The following MECR variants were observed in gnomAD, a reference collection of about 807,000 sequenced individuals.
MECR encodes mitochondrial trans-2-enoyl-CoA reductase, also known as enoyl-[acyl-carrier-protein] reductase, mitochondrial.
A neutral mutation model predicts 49.1 loss-of-function variants in MECR; 37 were observed. That is an observed-to-expected ratio of 0.75 (90% CI 0.58 to 0.99). MECR has a LOEUF of 0.99. MECR is among the 50% of genes least tolerant of loss of function. The pLI is 0.00. For synonymous variants in MECR, 198 were observed against 191.1 expected, an observed-to-expected ratio of 1.04 and a Z score of -0.30; for missense variants, 470 against 479.6, an observed-to-expected ratio of 0.98 and a Z score of 0.19.
chr1:29,213,382 G>A lies in MECR; in HGVS notation c.406+2623C>T, dbSNP rs143146777. ...CTGATCTCAGAGAAGCAAAGAGCTT[G>A]TAGTAGACTCCTATTACTGTTTTTT... On this transcript the variant is annotated intron_variant, in intron 3 of 9. Coordinates refer to ENST00000263702, the MANE Select transcript of MECR (RefSeq NM_016011.5). 3.1e-3 allele frequency among the ~76,000 whole-genome samples: 470 copies of A among 151,974 alleles called. 2 individuals are homozygous for A. Among genetic ancestry groups the A allele is most frequent in the Middle Eastern group, 0.017 (5 of 292 alleles).
In MECR at chr1:29,214,064, T is replaced by TC. The variant is rs200441223; in HGVS notation, c.406+1940_406+1941insG. On this transcript the variant is annotated intron_variant, in intron 3 of 9. Transcript: ENST00000263702. Reference sequence around the variant, plus strand: ...CCCAGTTCCACAAATCAACTTTCTTTTTTTTTTTTTTTTTTGAGATGGAGT... The same window carrying TC: ...CCCAGTTCCACAAATCAACTTTCTTTCTTTTTTTTTTTTTTTGAGATGGAGT... Among the ~76,000 whole-genome samples the TC allele has an allele frequency of 1.5e-3, 211 of 138,248 alleles. 2 individuals are homozygous for TC. Among genetic ancestry groups the TC allele is most frequent in the South Asian group, 1.8e-3 (8 of 4,494 alleles). 90.7% of individuals were successfully genotyped at this position (138,248 alleles called of 152,430 possible). A position where few individuals can be genotyped will look rare whatever the true frequency, so the allele number is the denominator to read the frequency against.
downstream of MECR, among the ~76,000 whole-genome samples, chr1:29,191,083 T>A (rs1673116273): frequency 6.6e-6 from 1 of 152,186 alleles, no homozygotes; most frequent in Non-Finnish European, 1.5e-5. Context: ...AATCATCCTT[T>A]GAAGACCAGC....
At chr1:29,225,364 A>C (rs962068851) in intron 1 of MECR, among the ~76,000 whole-genome samples, 3 of 151,944 alleles carry the variant, frequency 2.0e-5, no homozygotes, top group African/African-American at 7.3e-5. Context: ...TACACTGCTC[A>C]CCGGATCTCT....
Position 29,193,985 on chromosome 1 carries a change from C to G in MECR, c.*37G>C. 6.2e-7 allele frequency: 1 copy of G among 1,612,702 alleles called. No individual in the cohort carries two copies. The highest frequency in any genetic ancestry group is 8.5e-7 in the Non-Finnish European group (1 of 1,179,624). On this transcript the variant is annotated 3_prime_UTR_variant, in exon 10 of 10. Transcript: ENST00000263702. Reference sequence around the variant, plus strand: ...GCCTGCACCCAGCCCCTCAGATCCGCCTCCCCTCCCATGTCACTCCAGCTC... The same window carrying G: ...GCCTGCACCCAGCCCCTCAGATCCGGCTCCCCTCCCATGTCACTCCAGCTC...
chr1:29,193,921 G>C lies in MECR; in HGVS notation c.*101C>G, dbSNP rs766735254. The stretch of plus-strand genomic sequence containing the variant: ...TCCTAATAGGAAGAGGCAGTGAGGA[G>C]AACAGTAGTCTGGGGAAGGTGGGAG... On this transcript the variant is annotated 3_prime_UTR_variant, in exon 10 of 10. Coordinates refer to ENST00000263702, the MANE Select transcript of MECR (RefSeq NM_016011.5). 2.0e-4 allele frequency: 281 copies of C among 1,408,922 alleles called. No individual in the cohort carries two copies. The highest frequency in any genetic ancestry group is 2.5e-4 in the Non-Finnish European group (257 of 1,023,658). 87.3% of individuals were successfully genotyped at this position (1,408,922 alleles called of 1,614,324 possible).
At chr1:29,169,682 C>T in the MECR span, 1 of 152,086 alleles carries the variant, frequency 6.6e-6, no homozygotes, top group Non-Finnish European at 1.5e-5. Flanking sequence ...ATAAAGTAAA[C>T]CAACTGCTGA....
At chr1:29,195,807 G>T in intron 9 of MECR, 134 bp downstream of exon 9, 1 of 876,070 alleles carries the variant, frequency 1.1e-6, no homozygotes, top group Non-Finnish European at 1.9e-6. Flanking sequence ...CTGGACTAAG[G>T]CTATTCTCTT....
intron 2 of MECR, among the ~76,000 whole-genome samples, chr1:29,216,364 G>C (rs1679410355): frequency 6.6e-6 from 1 of 152,130 alleles, no homozygotes; most frequent in Admixed American, 6.6e-5. Flanking sequence ...CATGTCGCAG[G>C]CACTTCACAA....
chr1:29,178,353 C>CTTCTTTTTTTTT, the MECR span, among the ~76,000 whole-genome samples: 12,389 of 127,510 alleles, frequency 0.097, 1,179 homozygotes, highest in African/African-American at 0.18. Flanking sequence ...GTTTCAATTA[C>CTTCTTTTTTTTT]TTTTTTTTTT....
intron 2 of MECR, 78 bp from the exon 3 acceptor site, chr1:29,216,214 C>CT (rs751502618): frequency 2.0e-5 from 31 of 1,555,894 alleles, no homozygotes; most frequent in Non-Finnish European, 2.5e-5. Context: ...CCACGCCATC[C>CT]TAGGCCTGAT....
the MECR span, chr1:29,171,056 A>G: frequency 6.6e-6 from 1 of 152,124 alleles, no homozygotes; most frequent in African/African-American, 2.4e-5. Flanking sequence ...CCTCACCTTC[A>G]GGGTACTATA....
downstream of MECR, among the ~76,000 whole-genome samples, chr1:29,192,416 C>T (rs996126545): frequency 3.3e-5 from 5 of 152,170 alleles, no homozygotes; most frequent in South Asian, 6.2e-4. Context: ...TTGATGCCCT[C>T]GGGCAGAACT....
downstream of MECR, among the ~76,000 whole-genome samples, chr1:29,188,557 CCAGAAGAGGACAGGGAGAGATGGCAGAGT>C (rs1419041410): frequency 2.7e-4 from 41 of 151,992 alleles, no homozygotes; most frequent in African/African-American, 9.9e-4. Flanking sequence ...GTGGATGGTC[CCAGAAGAGGACAGGGAGAGATGGCAGAGT>C]CAGGAAGCTG....
In MECR at chr1:29,215,925, G is replaced by A. The variant is rs1255498525; in HGVS notation, c.406+80C>T. On this transcript the variant is annotated intron_variant, in intron 3 of 9. Transcript: ENST00000263702. The stretch of plus-strand genomic sequence containing the variant: ...ACCCTGCATTACCCAGGTACACTCG[G>A]CCAATCAGTGGATGCCGACAGAGTG... 2.6e-6 allele frequency: 4 copies of A among 1,537,122 alleles called. No homozygotes were observed. In the African/African-American group the frequency reaches 4.1e-5, roughly 16 times the overall value.
At chr1:29,190,010 T>C (rs755018528), downstream of MECR, among the ~76,000 whole-genome samples, 8 of 152,214 alleles carry the variant, frequency 5.3e-5, no homozygotes, top group Non-Finnish European at 7.3e-5. Context: ...TTATTTCTCA[T>C]GTAAAACAAG....
At chr1:29,202,460 A>AT (rs1675546748) in intron 5 of MECR, among the ~76,000 whole-genome samples, 1 of 152,266 alleles carries the variant, frequency 6.6e-6, no homozygotes, top group South Asian at 2.1e-4. Context: ...AAATGGAATT[A>AT]TTTTTGCGAG....
At chr1:29,185,525 C>T in the MECR span, among the ~76,000 whole-genome samples, 1 of 152,326 alleles carries the variant, frequency 6.6e-6, no homozygotes, top group African/African-American at 2.4e-5. Flanking sequence ...AAGTGATTCT[C>T]CTGCCTCAGC....
In MECR at chr1:29,216,108, A is replaced by G; in HGVS notation, c.303T>C (p.Pro101=). ...CAACACCTTCGTTCCCTCCAACAGC[A>G]GGCAGTTCAGGAAGGAATCCGTAGT... ...QGNYGFLPEL[P]AVGGNEGVAQ... Residue 101 remains proline (P), a synonymous_variant, in exon 3 of 10, where the codon CCT becomes CCC. Transcript: ENST00000263702. The G allele has an allele frequency of 6.2e-7, 1 of 1,614,024 alleles. No homozygotes were observed. Among genetic ancestry groups the G allele is most frequent in the Non-Finnish European group, 8.5e-7 (1 of 1,179,930 alleles).
At chr1:29,225,161 C>T (rs962060609) in intron 1 of MECR, among the ~76,000 whole-genome samples, 2 of 152,234 alleles carry the variant, frequency 1.3e-5, no homozygotes, top group East Asian at 1.9e-4. Flanking sequence ...TCCGCTTAAG[C>T]TTGAGCCCTG....
Sources: gnomAD v4.1 joint callset for allele counts (sites outside exome capture counted in the v4.1 genomes callset) on GRCh38, gnomAD v4.1.1 for gene constraint, MANE v1.5 for transcripts, NCBI Gene and HGNC (gene_info 2026-07-23, HGNC 2026-07-21) for gene names.